GRIP1: variants seen among roughly 807,000 people sequenced by gnomAD.
The protein encoded by GRIP1 is glutamate receptor interacting protein 1, also known as glutamate receptor-interacting protein 1.
In GRIP1, 45 loss-of-function variants were observed where a neutral mutation model predicts 129.9. The ratio of observed to expected loss-of-function variants is 0.35; its 90% CI spans 0.27 to 0.44. The LOEUF (loss-of-function observed/expected upper bound fraction) is 0.44. Ranked by LOEUF, GRIP1 falls within the 20% of genes least tolerant of loss-of-function variation. GRIP1 has a pLI of 1.00. For missense variants in GRIP1, 1,196 were observed against 1,396.8 expected (o/e 0.86, Z 2.29); for synonymous variants, 530 against 520.8 (o/e 1.02, Z -0.24).
intron 1 of GRIP1, among the ~76,000 whole-genome samples, chr12:66,762,618 G>A (rs2037510443): frequency 6.6e-6 from 1 of 152,022 alleles, no homozygotes; most frequent in Non-Finnish European, 1.5e-5. Context: ...TGCAAAAGTT[G>A]GTTCAATTCA....
intron 1 of GRIP1, among the ~76,000 whole-genome samples, chr12:66,732,086 G>A (rs184539885): frequency 1.3e-5 from 2 of 152,280 alleles, no homozygotes; most frequent in African/African-American, 4.8e-5. Context: ...TTTGAACTGT[G>A]TGGGTCCACT....
chr12:66,379,497 A>C, intron 19 of GRIP1, 61 bp from the exon 20 acceptor site: 1 of 1,528,024 alleles, frequency 6.5e-7, no homozygotes, highest in East Asian at 2.2e-5. Context: ...TTGAGAAATG[A>C]CATTGTTAAC....
At chr12:66,593,208 G>A (rs192277573) in intron 2 of GRIP1, among the ~76,000 whole-genome samples, 24 of 152,124 alleles carry the variant, frequency 1.6e-4, no homozygotes, top group African/African-American at 5.1e-4. Context: ...CTCCTTTATC[G>A]AAAGCAAACG....
At chr12:66,899,237 T>C (rs2040803507) in intron 1 of GRIP1, among the ~76,000 whole-genome samples, 1 of 152,138 alleles carries the variant, frequency 6.6e-6, no homozygotes, top group East Asian at 1.9e-4. Flanking sequence ...CCAGGTCCAA[T>C]AAAGGCTTAA....
intron 1 of GRIP1, chr12:67,037,537 T>C (rs1336531689): frequency 6.6e-6 from 1 of 152,034 alleles, no homozygotes; most frequent in Non-Finnish European, 1.5e-5. Context: ...TTTGAATAAA[T>C]AGAACTTTAT....
At chr12:66,669,431 C>T (rs17102794) in intron 1 of GRIP1, among the ~76,000 whole-genome samples, 3,812 of 152,054 alleles carry the variant, frequency 0.025, 162 homozygotes, top group African/African-American at 0.087. Context: ...ATTATCCATT[C>T]GACAGATACT....
At chr12:66,801,199 C>T (rs2038847670) in intron 1 of GRIP1, among the ~76,000 whole-genome samples, 1 of 151,844 alleles carries the variant, frequency 6.6e-6, no homozygotes, top group African/African-American at 2.4e-5. Context: ...AGACTAAAAC[C>T]CAGAAATGTT....
intron 1 of GRIP1, among the ~76,000 whole-genome samples, chr12:66,615,722 G>A (rs116507348): frequency 0.012 from 1,811 of 152,230 alleles, 43 homozygotes; most frequent in African/African-American, 0.042. Context: ...TCAGTTCATT[G>A]CAACTTTCGC....
intron 4 of GRIP1, among the ~76,000 whole-genome samples, chr12:66,536,652 C>G (rs886905598): frequency 6.6e-6 from 1 of 152,300 alleles, no homozygotes; most frequent in Admixed American, 6.5e-5. Context: ...CACCCTGATC[C>G]CAGCACTCTC....
At chr12:66,451,473 G>C (rs2058804721) in intron 11 of GRIP1, among the ~76,000 whole-genome samples, 1 of 120,676 alleles carries the variant, frequency 8.3e-6, no homozygotes, top group South Asian at 2.9e-4. Flanking sequence ...GCAGAATCTT[G>C]GCTCACTGCA....
At chr12:66,847,193 C>T (rs976559418) in intron 1 of GRIP1, among the ~76,000 whole-genome samples, 2 of 152,170 alleles carry the variant, frequency 1.3e-5, no homozygotes, top group African/African-American at 4.8e-5. Context: ...CTAAAAGTGT[C>T]CCAGCTGTCA....
At chr12:66,401,566 C>A (rs2056989685) in intron 16 of GRIP1, among the ~76,000 whole-genome samples, 2 of 103,556 alleles carry the variant, frequency 1.9e-5, no homozygotes. Context: ...GCGACAAGAG[C>A]AAAATTCCGT....
chr12:66,916,473 AC>A (rs2041124105), intron 1 of GRIP1, among the ~76,000 whole-genome samples: 1 of 152,188 alleles, frequency 6.6e-6, no homozygotes, highest in Non-Finnish European at 1.5e-5. Context: ...CAGTCTCAGC[AC>A]TTCGCCTTCC....
In GRIP1 at chr12:66,376,998, A is replaced by G. The variant is rs780703974; in HGVS notation, c.2778+19T>C. 1.3e-6 allele frequency: 2 copies of G among 1,588,366 alleles called. No individual in the cohort carries two copies. Among genetic ancestry groups the G allele is most frequent in the South Asian group, 2.2e-5 (2 of 90,528 alleles). ...AAGGCAGCTTCACAAGCAAAAATAT[A>G]AACATAAAGGGTAGCTACCAAGAGA... is the stretch of plus-strand genomic sequence containing the variant. On this transcript the variant is annotated intron_variant, in intron 22 of 24. Transcript: ENST00000359742.
intron 7 of GRIP1, among the ~76,000 whole-genome samples, chr12:66,476,068 A>G (rs1291538530): frequency 6.6e-6 from 1 of 152,208 alleles, no homozygotes; most frequent in African/African-American, 2.4e-5. Context: ...CAAAAAATCA[A>G]TGAATCCAGG....
At chr12:66,371,673 A>G in intron 23 of GRIP1, 21 bp downstream of exon 23, 1 of 1,526,906 alleles carries the variant, frequency 6.5e-7, no homozygotes, top group Middle Eastern at 1.7e-4. Context: ...ACCCTAGGGA[A>G]AGAAGAGAAA....
intron 8 of GRIP1, among the ~76,000 whole-genome samples, 176 bp downstream of exon 8, chr12:66,465,099 C>G (rs1448291279): frequency 3.9e-5 from 6 of 152,106 alleles, no homozygotes; most frequent in East Asian, 1.9e-4. Context: ...CACCTGCCAC[C>G]ATGACTGGCT....
intron 1 of GRIP1, among the ~76,000 whole-genome samples, chr12:66,994,569 T>A (rs1000736082): frequency 6.6e-6 from 1 of 151,984 alleles, no homozygotes; most frequent in South Asian, 2.1e-4. Flanking sequence ...ATAAGGAATC[T>A]GAAAATGGAA....
chr12:66,950,674 CGTGTGTCT>C (rs777428073), intron 1 of GRIP1, among the ~76,000 whole-genome samples: 1 of 151,632 alleles, frequency 6.6e-6, no homozygotes, highest in African/African-American at 2.4e-5. Context: ...TGTGTGTGTG[CGTGTGTCT>C]GTGTGTCTGT....
Sources: gnomAD v4.1 joint callset for allele counts (sites outside exome capture counted in the v4.1 genomes callset) on GRCh38, gnomAD v4.1.1 for gene constraint, MANE v1.5 for transcripts, NCBI Gene and HGNC (gene_info 2026-07-23, HGNC 2026-07-21) for gene names.